The following TANC1 variants were observed in gnomAD, a reference collection of about 807,000 sequenced individuals.
The protein encoded by TANC1 is tetratricopeptide repeat, ankyrin repeat and coiled-coil containing 1, also known as protein TANC1.
TANC1 carries 77 observed loss-of-function variants against 149.7 expected under a neutral mutation model. The observed-to-expected ratio is 0.51, with a 90% CI of 0.43 to 0.62. The LOEUF is 0.62. TANC1 is among the 20% of genes least tolerant of loss of function. The pLI, the probability that TANC1 is intolerant of heterozygous loss-of-function variation, is 0.00. For synonymous variants in TANC1, 854 were observed against 925.0 expected (o/e 0.92, Z 1.39); for missense variants, 1,985 against 2,321.8 (o/e 0.85, Z 2.98).
chr2:159,079,103 T>C (rs2043990634), intron 3 of TANC1, among the ~76,000 whole-genome samples: 1 of 152,124 alleles, frequency 6.6e-6, no homozygotes, highest in Non-Finnish European at 1.5e-5. Flanking sequence ...GGGGGAGGGA[T>C]GAGATAATGC....
chr2:158,977,104 C>T (rs1446455739), intron 1 of TANC1, among the ~76,000 whole-genome samples: 3 of 151,604 alleles, frequency 2.0e-5, no homozygotes, highest in Admixed American at 1.3e-4. Context: ...AATTTTTTCC[C>T]CTGAAATTCC....
chr2:159,100,633 C>T (rs2046587893), intron 4 of TANC1, among the ~76,000 whole-genome samples: 1 of 152,166 alleles, frequency 6.6e-6, no homozygotes, highest in Non-Finnish European at 1.5e-5. Context: ...CGGAGCAGTG[C>T]TTGTTCACTG....
Position 158,987,943 on chromosome 2 carries a change from C to T in TANC1, c.-125-13137C>T, listed in dbSNP as rs915395109. Among the ~76,000 whole-genome samples, 5 of 152,130 alleles carry T rather than the reference C, an allele frequency of 3.3e-5. No individual in the cohort carries two copies. The East Asian group carries it at 5.8e-4, about 18-fold the overall frequency. On this transcript the variant is annotated intron_variant, in intron 1 of 26. Coordinates refer to ENST00000263635, the MANE Select transcript of TANC1 (RefSeq NM_033394.3). ...GCTAGAGAGTGTATTTAGGGTTGACCGTGTGCATTGCTTTACATTACCTAC... is the reference window on the plus strand; with the variant it reads ...GCTAGAGAGTGTATTTAGGGTTGACTGTGTGCATTGCTTTACATTACCTAC...
At chr2:159,004,905 A>G (rs1173410775) in intron 2 of TANC1, among the ~76,000 whole-genome samples, 1 of 152,186 alleles carries the variant, frequency 6.6e-6, no homozygotes, top group Admixed American at 6.5e-5. Flanking sequence ...TGATTTACCC[A>G]CATATTTATT....
chr2:159,006,190 CG>C (rs2037152347), intron 2 of TANC1, among the ~76,000 whole-genome samples: 1 of 149,800 alleles, frequency 6.7e-6, no homozygotes, highest in Non-Finnish European at 1.5e-5. Context: ...CCAGCTACTC[CG>C]GAGGCTGAGG....
chr2:159,221,860 G>A (rs766360853), intron 22 of TANC1, among the ~76,000 whole-genome samples: 2 of 152,166 alleles, frequency 1.3e-5, no homozygotes, highest in Non-Finnish European at 2.9e-5. Flanking sequence ...GTCTTTCAGG[G>A]CAGAAACTGA....
chr2:159,077,699 A>G (rs1047150792), intron 3 of TANC1, among the ~76,000 whole-genome samples: 14 of 152,180 alleles, frequency 9.2e-5, no homozygotes, highest in Admixed American at 7.2e-4. Flanking sequence ...TTGGGTAGTT[A>G]TAATTTATCT....
chr2:158,978,664 G>C lies in TANC1; in HGVS notation c.-126+9882G>C, dbSNP rs144688894. Among the ~76,000 whole-genome samples, 67 of 152,306 alleles carry C rather than the reference G, an allele frequency of 4.4e-4. 1 individual carries two copies. The East Asian group carries it at 0.012, about 28-fold the overall frequency. On this transcript the variant is annotated intron_variant, in intron 1 of 26. Transcript: ENST00000263635. Reference sequence around the variant, plus strand: ...GCGATAACTCCCCAGGGTAGGATCTGGCCTGAGCATCCCCACTGGGAGATG... The same window carrying C: ...GCGATAACTCCCCAGGGTAGGATCTCGCCTGAGCATCCCCACTGGGAGATG...
chr2:159,074,164 A>G (rs2043419616), intron 3 of TANC1, among the ~76,000 whole-genome samples: 1 of 152,230 alleles, frequency 6.6e-6, no homozygotes, highest in Non-Finnish European at 1.5e-5. Context: ...CTCATCAGCC[A>G]TGAAAATACC....
intron 2 of TANC1, among the ~76,000 whole-genome samples, chr2:159,026,508 A>G (rs2039354358): frequency 6.6e-6 from 1 of 152,180 alleles, no homozygotes; most frequent in Non-Finnish European, 1.5e-5. Flanking sequence ...TTCCATTGCT[A>G]TAACTGAATA....
chr2:159,150,301 A>C, intron 6 of TANC1, 69 bp from the exon 7 acceptor site: 1 of 1,343,852 alleles, frequency 7.4e-7, no homozygotes, highest in East Asian at 2.3e-5. Context: ...GTTTTAGCAC[A>C]AAAACAAAAG....
At chr2:158,971,173 G>A (rs887400678) in intron 1 of TANC1, among the ~76,000 whole-genome samples, 4 of 152,148 alleles carry the variant, frequency 2.6e-5, no homozygotes, top group Non-Finnish European at 4.4e-5. Flanking sequence ...TTTAGGCAAC[G>A]TTCTCTTCTG....
In TANC1 at chr2:159,186,979, C is replaced by T. The variant is rs770902773; in HGVS notation, c.2697C>T (p.Ser899=). ...TCGGCTACAGCACCGAGGGGCTGTC[C>T]GCCGCCCTGGCCTCTCTCAGGAATC... The part of the protein sequence containing the change: ...LWIGYSTEGL[S]AALASLRNLY... Residue 899 remains serine, a synonymous_variant, in exon 16 of 27, where the codon TCC becomes TCT. Coordinates refer to ENST00000263635, the MANE Select transcript of TANC1 (RefSeq NM_033394.3). 4.3e-6 allele frequency: 7 copies of T among 1,614,132 alleles called. No individual in the cohort carries two copies. Among genetic ancestry groups the T allele is most frequent in the East Asian group, 2.2e-5 (1 of 44,880 alleles).
chr2:159,205,633 C>G (rs1187829423), intron 19 of TANC1, among the ~76,000 whole-genome samples: 1 of 152,226 alleles, frequency 6.6e-6, no homozygotes, highest in Non-Finnish European at 1.5e-5. Context: ...ACCATATAGT[C>G]TAGGCATGTA....
chr2:159,028,309 C>T (rs1391848205), intron 2 of TANC1, among the ~76,000 whole-genome samples: 3 of 152,056 alleles, frequency 2.0e-5, no homozygotes, highest in Admixed American at 6.6e-5. Context: ...TTAGTAGAGA[C>T]GGGGTTTCAC....
intron 7 of TANC1, 130 bp from the exon 8 acceptor site, chr2:159,163,153 A>G: frequency 1.1e-6 from 1 of 901,326 alleles, no homozygotes; most frequent in South Asian, 1.8e-5. Flanking sequence ...TGTATGGAAC[A>G]TACTTTGATA....
intron 2 of TANC1, chr2:159,060,160 A>G: frequency 1.2e-6 from 1 of 836,150 alleles, no homozygotes; most frequent in Non-Finnish European, 1.4e-6. Flanking sequence ...CTTCTAACAC[A>G]GAGGATGTTT....
intron 6 of TANC1, 166 bp downstream of exon 6, chr2:159,149,438 G>T: frequency 1.0e-6 from 1 of 953,200 alleles, no homozygotes. Context: ...GGTTTTTGCA[G>T]TGGGGAGGTA....
chr2:159,156,941 G>T (rs1223775705), intron 7 of TANC1, among the ~76,000 whole-genome samples: 2 of 152,234 alleles, frequency 1.3e-5, no homozygotes, highest in African/African-American at 2.4e-5. Flanking sequence ...GATGAATGTG[G>T]CTGGGAATGT....
Sources: allele counts gnomAD v4.1 joint callset (sites outside exome capture counted in the v4.1 genomes callset), GRCh38; gene constraint gnomAD v4.1.1; transcripts MANE v1.5; gene names NCBI Gene and HGNC (gene_info 2026-07-23, HGNC 2026-07-21).